Variants in GCNT3 observed in about 807,000 individuals in gnomAD.
GCNT3 encodes beta-1,3-galactosyl-O-glycosyl-glycoprotein beta-1,6-N-acetylglucosaminyltransferase 3.
For missense variants in GCNT3, 708 were observed against 530.3 expected (o/e 1.34, Z -3.29); for synonymous variants, 269 against 195.2 (o/e 1.38, Z -3.15).
rs1890923041 is a variant in GCNT3, at chr15:59,621,118, C to T, written c.*1563C>T. 1 of 151,592 alleles carries T rather than the reference C, an allele frequency of 6.6e-6. No homozygotes were observed. Among genetic ancestry groups the T allele is most frequent in the Non-Finnish European group, 1.5e-5 (1 of 67,922 alleles). The allele number at this position is 151,592 out of a possible 1,614,324, so 9.4% of individuals were successfully genotyped here. ...CAGGTTGGTCTCAAACTCCTGGCCT[C>T]AAGTGATCCACCTGCCCCAGCCTCC... is the stretch of plus-strand genomic sequence containing the variant. On this transcript the variant is annotated 3_prime_UTR_variant, in exon 3 of 3. Transcript: ENST00000396065.
Position 59,619,339 on chromosome 15 carries a change from G to C in GCNT3, c.1101G>C (p.Gln367His). The C allele has an allele frequency of 6.2e-7, 1 of 1,614,100 alleles. No homozygotes were observed. The highest frequency in any genetic ancestry group is 8.5e-7 in the Non-Finnish European group (1 of 1,180,022). The change falls in exon 3 of 3, where the codon CAG (glutamine) becomes CAC (histidine). Residue 367 changes from glutamine (Q) to histidine (H), a missense_variant. Gln to His is a conservative substitution (Grantham distance 24). Coordinates refer to ENST00000396065, the MANE Select transcript of GCNT3 (RefSeq NM_004751.3). ...CTATTGCCAGGCTGGTCAAGTGGCA[G>C]GGTCATGAGGGAGACATCGATAAGG... Reference protein sequence around the residue: ...MTSIARLVKWQGHEGDIDKGA... With the variant: ...MTSIARLVKWHGHEGDIDKGA...
intron 1 of GCNT3, 120 bp downstream of exon 1, chr15:59,612,101 C>T (rs933383390): frequency 6.6e-6 from 1 of 152,214 alleles, no homozygotes; most frequent in African/African-American, 2.4e-5. Flanking sequence ...TGTAGGATTC[C>T]TCGAGCCTCC....
intron 1 of GCNT3, among the ~76,000 whole-genome samples, chr15:59,613,800 G>A (rs1193192391): frequency 6.6e-6 from 1 of 151,808 alleles, no homozygotes; most frequent in African/African-American, 2.4e-5. Flanking sequence ...GGAAGCCCAG[G>A]AGCTTGAGAC....
At chr15:59,614,843 C>T (rs1010060592) in intron 1 of GCNT3, among the ~76,000 whole-genome samples, 3 of 152,200 alleles carry the variant, frequency 2.0e-5, no homozygotes, top group Admixed American at 6.5e-5. Flanking sequence ...TGGAGTTGCT[C>T]TGGTTCAAGC....
Position 59,618,957 on chromosome 15 carries a change from T to C in GCNT3, c.719T>C (p.Val240Ala). 4.3e-6 allele frequency: 7 copies of C among 1,614,008 alleles called. No homozygotes were observed. Among genetic ancestry groups the C allele is most frequent in the Non-Finnish European group, 5.9e-6 (7 of 1,179,978 alleles). Residue 240 changes from valine to alanine, a missense_variant, in exon 3 of 3, where the codon GTC (valine) becomes GCC (alanine). Physicochemically the swap from Val to Ala is moderately conservative, Grantham distance 64. Transcript: ENST00000396065. ...CCTATAAAGAGCAATGCAGAGATGG[T>C]CCAGGCTCTCAAGATGTTGAATGGG... ...DFPIKSNAEM[V>A]QALKMLNGRN...
In GCNT3 at chr15:59,619,339, G is replaced by A. The variant is rs1345036240; in HGVS notation, c.1101G>A (p.Gln367=). The change falls in exon 3 of 3, where the codon CAG becomes CAA. Residue 367 remains glutamine, a synonymous_variant. Transcript: ENST00000396065. ...CTATTGCCAGGCTGGTCAAGTGGCA[G>A]GGTCATGAGGGAGACATCGATAAGG... ...MTSIARLVKW[Q]GHEGDIDKGA... 6.2e-7 allele frequency: 1 copy of A among 1,614,100 alleles called. No individual in the cohort carries two copies. The highest frequency in any genetic ancestry group is 1.1e-5 in the South Asian group (1 of 91,082).
In GCNT3 at chr15:59,621,268, G is replaced by A. The variant is rs1187855792; in HGVS notation, c.*1713G>A. 6.6e-6 allele frequency: 1 copy of A among 151,994 alleles called. No individual in the cohort carries two copies. The highest frequency in any genetic ancestry group is 2.4e-5 in the African/African-American group (1 of 41,382). The allele number at this position is 151,994 out of a possible 1,614,324, so 9.4% of individuals were successfully genotyped here. A position where few individuals can be genotyped will look rare whatever the true frequency, so the allele number is the denominator to read the frequency against. On this transcript the variant is annotated 3_prime_UTR_variant, in exon 3 of 3. Transcript: ENST00000396065. ...TCTGCAGATTACACATTTCCTTGCG[G>A]GGAGACAATAAGGTATGTGTAAATA...
rs1663409331 is a variant in GCNT3 at position 59,619,218 on chromosome 15, G to C, written c.980G>C (p.Ser327Thr). Reference sequence around the variant, plus strand: ...ATTGAATGGGTAAAAGACACTTATAGCCCAGATGAACACCTCTGGGCCACC... The same window carrying C: ...ATTGAATGGGTAAAAGACACTTATACCCCAGATGAACACCTCTGGGCCACC... ...QLIEWVKDTY[S>T]PDEHLWATLQ... is the part of the protein sequence containing the mutation. Residue 327 changes from serine to threonine, a missense_variant, in exon 3 of 3, where the codon AGC becomes ACC. By Grantham distance (58) the Ser-to-Thr change is moderately conservative (BLOSUM62 1). Coordinates refer to ENST00000396065, the MANE Select transcript of GCNT3 (RefSeq NM_004751.3). 6.2e-7 allele frequency: 1 copy of C among 1,613,874 alleles called. No homozygotes were observed. The highest frequency in any genetic ancestry group is 1.3e-5 in the African/African-American group (1 of 74,866).
Position 59,619,485 on chromosome 15 carries a change from T to G in GCNT3, c.1247T>G (p.Val416Gly). Residue 416 changes from valine (V) to glycine (G), a missense_variant, in exon 3 of 3, where the codon GTA becomes GGA. Physicochemically the swap from Val to Gly is moderately radical, Grantham distance 109. Transcript: ENST00000396065. ...HLLANKFDPK[V>G]DDNALQCLEE... ...TTGGCCAACAAGTTTGACCCAAAGG[T>G]AGATGATAATGCTCTTCAGTGCTTA... 6.2e-7 allele frequency: 1 copy of G among 1,614,050 alleles called. No homozygotes were observed.
intron 1 of GCNT3, among the ~76,000 whole-genome samples, chr15:59,615,961 C>T (rs761251911): frequency 6.6e-5 from 10 of 152,016 alleles, no homozygotes; most frequent in Admixed American, 2.0e-4. Context: ...AGTTGGGGGC[C>T]GGGTTGGGGA....
rs562699675 is a variant in GCNT3 at position 59,621,086 on chromosome 15, T to C, written c.*1531T>C. ...TTTTAGTAAAGATGGGGTTTCACCA[T>C]GTTGGCCAGGTTGGTCTCAAACTCC... On this transcript the variant is annotated 3_prime_UTR_variant, in exon 3 of 3. Coordinates refer to ENST00000396065, the MANE Select transcript of GCNT3 (RefSeq NM_004751.3). The C allele has an allele frequency of 3.9e-5, 6 of 151,902 alleles. No individual in the cohort carries two copies. In the South Asian group the frequency reaches 1.0e-3, roughly 26 times the overall value. The allele number at this position is 151,902 out of a possible 1,614,324, so 9.4% of individuals were successfully genotyped here.
At chr15:59,617,096 ATTTTTTC>A (rs2082722740) in intron 2 of GCNT3, among the ~76,000 whole-genome samples, 1 of 120,940 alleles carries the variant, frequency 8.3e-6, no homozygotes, top group Non-Finnish European at 1.8e-5. Flanking sequence ...TATTGTATTT[ATTTTTTC>A]TTTTTTTTCC....
At position 59,616,895 on chromosome 15, in the gene GCNT3, T is replaced by C. The variant is rs1436416431; in HGVS notation, c.-61+14T>C. On this transcript the variant is annotated intron_variant, in intron 2 of 2. Coordinates refer to ENST00000396065, the MANE Select transcript of GCNT3 (RefSeq NM_004751.3). The stretch of plus-strand genomic sequence containing the variant: ...AAGCTACTAAAGGTGAGAATTTTCT[T>C]CATTTTTCATTTTCCTTCCTCTTAG... 2 of 152,134 alleles carry C rather than the reference T, an allele frequency of 1.3e-5. No homozygotes were observed. The highest frequency in any genetic ancestry group is 4.8e-5 in the African/African-American group (2 of 41,424). 9.4% of individuals were successfully genotyped at this position (152,134 alleles called of 1,614,324 possible). A position where few individuals can be genotyped will look rare whatever the true frequency, so the allele number is the denominator to read the frequency against.
chr15:59,619,368 C>G lies in GCNT3; in HGVS notation c.1130C>G (p.Ala377Gly). ...CATGAGGGAGACATCGATAAGGGTG[C>G]TCCTTATGCTCCCTGCTCTGGAATC... Reference protein sequence around the residue: ...QGHEGDIDKGAPYAPCSGIHQ... With the variant: ...QGHEGDIDKGGPYAPCSGIHQ... The change falls in exon 3 of 3, where the codon GCT becomes GGT. Residue 377 changes from alanine (A) to glycine (G), a missense_variant. Physicochemically the swap from Ala to Gly is moderately conservative, Grantham distance 60 (BLOSUM62 0). Coordinates refer to ENST00000396065, the MANE Select transcript of GCNT3 (RefSeq NM_004751.3). The G allele has an allele frequency of 6.2e-7, 1 of 1,614,112 alleles. No homozygotes were observed. Among genetic ancestry groups the G allele is most frequent in the Non-Finnish European group, 8.5e-7 (1 of 1,180,008 alleles).
chr15:59,618,038 C>T (rs1470761649), intron 2 of GCNT3, 141 bp from the exon 3 acceptor site: 3 of 447,412 alleles, frequency 6.7e-6, no homozygotes, highest in East Asian at 3.4e-5. Flanking sequence ...ATCAACAAAC[C>T]AGATGTAAGG....
In GCNT3 at chr15:59,620,877, T is replaced by A. The variant is rs1890914756; in HGVS notation, c.*1322T>A. The A allele has an allele frequency of 1.6e-5, 2 of 123,712 alleles. No homozygotes were observed. Among genetic ancestry groups the A allele is most frequent in the African/African-American group, 7.3e-5 (2 of 27,474 alleles). 7.7% of individuals were successfully genotyped at this position (123,712 alleles called of 1,614,324 possible). On this transcript the variant is annotated 3_prime_UTR_variant, in exon 3 of 3. Transcript: ENST00000396065. Reference sequence around the variant, plus strand: ...GGCCTCTTGAGTCAAAACTCTTTTTTTTTTTTTTTTTTTTTTTTTTTTTGG... The same window carrying A: ...GGCCTCTTGAGTCAAAACTCTTTTTATTTTTTTTTTTTTTTTTTTTTTTGG...
rs1412314937 is a variant in GCNT3 at position 59,621,502 on chromosome 15, A to AT, written c.*1950dup. 7 of 149,756 alleles carry AT rather than the reference A, an allele frequency of 4.7e-5. No homozygotes were observed. Among genetic ancestry groups the AT allele is most frequent in the Non-Finnish European group, 5.9e-5 (4 of 67,544 alleles). 9.3% of individuals were successfully genotyped at this position (149,756 alleles called of 1,614,324 possible). A position where few individuals can be genotyped will look rare whatever the true frequency, so the allele number is the denominator to read the frequency against. On this transcript the variant is annotated 3_prime_UTR_variant, in exon 3 of 3. Transcript: ENST00000396065. Reference sequence around the variant, plus strand: ...GCATACGATATGCCCTGGAAAGGTGATTTATATGCAAGTTAATTGGTGTAA... The same window carrying AT: ...GCATACGATATGCCCTGGAAAGGTGATTTTATATGCAAGTTAATTGGTGTAA...
In GCNT3 at chr15:59,619,321, C is replaced by T. The variant is rs140773361; in HGVS notation, c.1083C>T (p.Ala361=). The T allele has an allele frequency of 5.3e-5, 86 of 1,613,962 alleles. No homozygotes were observed. The highest frequency in any genetic ancestry group is 7.2e-5 in the Non-Finnish European group (85 of 1,179,998). ...ACATCTCAGACATGACTTCTATTGC[C>T]AGGCTGGTCAAGTGGCAGGGTCATG... ...KYDISDMTSI[A]RLVKWQGHEG... Residue 361 remains alanine, a synonymous_variant, in exon 3 of 3, where the codon GCC becomes GCT. Transcript: ENST00000396065.
rs2082742149 is a variant in GCNT3, at chr15:59,620,390, A to ACTC, written c.*838_*840dup. ...ACCATATTCGCCAGGCTGGTCTTGA[A>ACTC]CTCCTGACCTTGTGATCTGCCCGCC... On this transcript the variant is annotated 3_prime_UTR_variant, in exon 3 of 3. Coordinates refer to ENST00000396065, the MANE Select transcript of GCNT3 (RefSeq NM_004751.3). 6.0e-6 allele frequency: 1 copy of ACTC among 166,450 alleles called. No homozygotes were observed. The highest frequency in any genetic ancestry group is 2.1e-4 in the South Asian group (1 of 4,786). The allele number at this position is 166,450 out of a possible 1,614,324, so 10.3% of individuals were successfully genotyped here.
Sources: allele counts gnomAD v4.1 joint callset (sites outside exome capture counted in the v4.1 genomes callset), GRCh38; gene constraint gnomAD v4.1.1; transcripts MANE v1.5; gene names NCBI Gene and HGNC (gene_info 2026-07-23, HGNC 2026-07-21).